UNKL: variants seen among roughly 807,000 people sequenced by gnomAD.
UNKL encodes the protein unk like zinc finger.
A neutral mutation model predicts 78.0 loss-of-function variants in UNKL; 60 were observed. The ratio of observed to expected loss-of-function variants is 0.77; its 90% CI spans 0.63 to 0.95. UNKL has a LOEUF of 0.95. Ranked by LOEUF, UNKL falls within the 40% of genes least tolerant of loss-of-function variation. The pLI is 0.00. For missense variants in UNKL, 1,159 were observed against 1,045.7 expected, an observed-to-expected ratio of 1.11 and a Z score of -1.49; for synonymous variants, 608 against 474.8, an observed-to-expected ratio of 1.28 and a Z score of -3.65.
chr16:1,369,345 G>C (rs560854688), intron 12 of UNKL, among the ~76,000 whole-genome samples: 1 of 151,316 alleles, frequency 6.6e-6, no homozygotes, highest in South Asian at 2.1e-4. Flanking sequence ...GGGATGACAG[G>C]CGTGAGCCAC....
rs2142090713 is a variant in UNKL, at chr16:1,385,199, T to C, written c.1264+9A>G. The C allele has an allele frequency of 7.8e-7, 1 of 1,277,864 alleles. No individual in the cohort carries two copies. The highest frequency in any genetic ancestry group is 2.6e-5 in the South Asian group (1 of 39,142). 79.2% of individuals were successfully genotyped at this position (1,277,864 alleles called of 1,614,324 possible). A position where few individuals can be genotyped will look rare whatever the true frequency, so the allele number is the denominator to read the frequency against. On this transcript the variant is annotated intron_variant, in intron 10 of 14. Transcript: ENST00000389221. The stretch of plus-strand genomic sequence containing the variant: ...GGTCAGGGAGAAAGGAGGACGGTGC[T>C]GGACTTACCGAGGACGGCCTCCACA...
chr16:1,366,145 C>T lies in UNKL; in HGVS notation c.*95G>A, dbSNP rs987497444. The T allele has an allele frequency of 9.8e-5, 134 of 1,360,818 alleles. 1 individual carries two copies. The highest frequency in any genetic ancestry group is 1.2e-4 in the African/African-American group (8 of 68,100). 84.3% of individuals were successfully genotyped at this position (1,360,818 alleles called of 1,614,324 possible). A position where few individuals can be genotyped will look rare whatever the true frequency, so the allele number is the denominator to read the frequency against. On this transcript the variant is annotated 3_prime_UTR_variant, in exon 15 of 15. Transcript: ENST00000389221. ...GAAGGGCTCCCAGCCTCGGTCCTCA[C>T]GTCGGTGGCACCAGAAGCGAGTGAC...
chr16:1,378,415 T>C (rs1193235677), intron 10 of UNKL, among the ~76,000 whole-genome samples: 1 of 152,186 alleles, frequency 6.6e-6, no homozygotes, highest in Non-Finnish European at 1.5e-5. Flanking sequence ...CCCTCACACC[T>C]GGCAGAGATC....
chr16:1,412,792 T>C (rs2038100291), intron 2 of UNKL, among the ~76,000 whole-genome samples: 1 of 152,096 alleles, frequency 6.6e-6, no homozygotes. Context: ...GCGCAGTGGA[T>C]CATGCCTGGA....
chr16:1,370,322 TGGCGACAGGTGCAGAGCC>T lies in UNKL; in HGVS notation c.1375_1392del (p.Gly459_Ala464del). On this transcript the variant is annotated inframe_deletion, in exon 12 of 15. Coordinates refer to ENST00000389221, the MANE Select transcript of UNKL (RefSeq NM_001372107.1). ...GGTGCTCTGGGCAGGGAGCCGGGGA[TGGCGACAGGTGCAGAGCC>T]GGCCAGCGACCTGGGACCTGGCGGG... 7.8e-6 allele frequency: 12 copies of T among 1,532,172 alleles called. No individual in the cohort carries two copies. Among genetic ancestry groups the T allele is most frequent in the Non-Finnish European group, 1.0e-5 (12 of 1,145,516 alleles). 94.9% of individuals were successfully genotyped at this position (1,532,172 alleles called of 1,614,324 possible).
intron 12 of UNKL, 161 bp downstream of exon 12, chr16:1,369,969 G>C: frequency 6.5e-7 from 1 of 1,550,362 alleles, no homozygotes. Context: ...AGCGAGACTC[G>C]GTCTGCGGCG....
intron 9 of UNKL, among the ~76,000 whole-genome samples, 195 bp downstream of exon 9, chr16:1,390,437 C>G (rs994057691): frequency 6.6e-6 from 1 of 152,220 alleles, no homozygotes; most frequent in Non-Finnish European, 1.5e-5. Context: ...AACAGACAAA[C>G]ACGGGGGTAC....
At chr16:1,400,986 G>C (rs1383936973) in intron 4 of UNKL, among the ~76,000 whole-genome samples, 1 of 152,216 alleles carries the variant, frequency 6.6e-6, no homozygotes, top group Non-Finnish European at 1.5e-5. Flanking sequence ...AGTGCTCCCA[G>C]CCTTACCACG....
At chr16:1,390,207 C>T (rs375690184) in intron 9 of UNKL, among the ~76,000 whole-genome samples, 18 of 152,216 alleles carry the variant, frequency 1.2e-4, no homozygotes, top group African/African-American at 3.9e-4. Flanking sequence ...AGGCTGGTCC[C>T]GGACTCCTGA....
Position 1,414,697 on chromosome 16 carries a change from G to A in UNKL, c.-6C>T. The A allele has an allele frequency of 8.8e-7, 1 of 1,135,776 alleles. No homozygotes were observed. Among genetic ancestry groups the A allele is most frequent in the Non-Finnish European group, 1.1e-6 (1 of 915,572 alleles). 70.4% of individuals were successfully genotyped at this position (1,135,776 alleles called of 1,614,324 possible). A position where few individuals can be genotyped will look rare whatever the true frequency, so the allele number is the denominator to read the frequency against. ...GCTTTCGAAACCGACGGCATTTTCA[G>A]TCAAAACAATGCAGCGCGCATGCGC... On this transcript the variant is annotated 5_prime_UTR_variant, in exon 1 of 15. Coordinates refer to ENST00000389221, the MANE Select transcript of UNKL (RefSeq NM_001372107.1).
At chr16:1,396,747 C>T (rs2037281677) in intron 6 of UNKL, among the ~76,000 whole-genome samples, 1 of 152,110 alleles carries the variant, frequency 6.6e-6, no homozygotes, top group African/African-American at 2.4e-5. Context: ...ACGCCCGCCA[C>T]CACGCCTGGC....
chr16:1,385,580 A>G (rs1328754908), intron 9 of UNKL, among the ~76,000 whole-genome samples, 195 bp from the exon 10 acceptor site: 1 of 152,240 alleles, frequency 6.6e-6, no homozygotes, highest in Admixed American at 6.5e-5. Flanking sequence ...GCAGCGGGCT[A>G]CGGTGCACTT....
intron 10 of UNKL, among the ~76,000 whole-genome samples, chr16:1,382,296 T>A (rs1024042690): frequency 1.3e-5 from 2 of 152,114 alleles, no homozygotes; most frequent in Non-Finnish European, 2.9e-5. Context: ...GAAGATGACT[T>A]CCAAAACAGG....
chr16:1,377,348 T>A (rs2036312447), intron 10 of UNKL, among the ~76,000 whole-genome samples: 1 of 151,970 alleles, frequency 6.6e-6, no homozygotes, highest in African/African-American at 2.4e-5. Flanking sequence ...GGGACACAAT[T>A]CAACCCAGGA....
chr16:1,389,441 G>A (rs1482915207), intron 9 of UNKL, among the ~76,000 whole-genome samples: 1 of 152,160 alleles, frequency 6.6e-6, no homozygotes, highest in Non-Finnish European at 1.5e-5. Context: ...CAAGCCTGGT[G>A]GTGTATGCCT....
At chr16:1,369,059 T>TTTTTG (rs2035556806) in intron 12 of UNKL, among the ~76,000 whole-genome samples, 1 of 112,986 alleles carries the variant, frequency 8.9e-6, no homozygotes, top group Non-Finnish European at 1.8e-5. Flanking sequence ...GTATTAGTTT[T>TTTTTG]TTTTTTTTTT....
chr16:1,379,747 C>T (rs1215360250), intron 10 of UNKL: 2 of 932,548 alleles, frequency 2.1e-6, no homozygotes, highest in South Asian at 5.0e-5. Context: ...GCCCCGCCCC[C>T]GTCGCACTGG....
intron 7 of UNKL, 48 bp from the exon 8 acceptor site, chr16:1,393,024 C>T (rs2037111797): frequency 6.5e-7 from 1 of 1,532,414 alleles, no homozygotes; most frequent in Non-Finnish European, 8.8e-7. Flanking sequence ...TGGTGGGCGA[C>T]AGTGACACGC....
In UNKL at chr16:1,397,477, T is replaced by G. The variant is rs1190119666; in HGVS notation, c.735-182A>C. Among the ~76,000 whole-genome samples, 12 of 86,222 alleles carry G rather than the reference T, an allele frequency of 1.4e-4. 1 individual carries two copies. Among genetic ancestry groups the G allele is most frequent in the Non-Finnish European group, 2.8e-4 (12 of 42,124 alleles). 56.6% of individuals were successfully genotyped at this position (86,222 alleles called of 152,430 possible). A position where few individuals can be genotyped will look rare whatever the true frequency, so the allele number is the denominator to read the frequency against. ...CTGGGGCAGGGCGTGGACCTGGGGA[T>G]GAGGAGGTGTCAGGAGGACACAGAG... On this transcript the variant is annotated intron_variant, in intron 5 of 14. Transcript: ENST00000389221.
Sources: gnomAD v4.1 joint callset for allele counts (sites outside exome capture counted in the v4.1 genomes callset) on GRCh38, gnomAD v4.1.1 for gene constraint, MANE v1.5 for transcripts, NCBI Gene and HGNC (gene_info 2026-07-23, HGNC 2026-07-21) for gene names.